Variants in USP13 observed in about 807,000 individuals in gnomAD.
USP13 encodes ubiquitin specific peptidase 13.
USP13 carries 68 observed loss-of-function variants against 107.8 expected under a neutral mutation model. The observed-to-expected ratio is 0.63, with a 90% confidence interval of 0.52 to 0.77. The LOEUF is 0.77. Among genes scored for constraint, USP13 ranks in the 30% least tolerant of loss-of-function variants. USP13 has a pLI of 0.00. For synonymous variants in USP13, 377 were observed against 389.5 expected (o/e 0.97, Z 0.38); for missense variants, 945 against 1,093.3 (o/e 0.86, Z 1.91).
chr3:179,776,430 T>G (rs1715541842), intron 19 of USP13, among the ~76,000 whole-genome samples: 1 of 152,174 alleles, frequency 6.6e-6, no homozygotes, highest in South Asian at 2.1e-4. Context: ...AACAGTCCTT[T>G]CTCAAATAAC....
At chr3:179,766,625 T>A (rs532541503) in intron 19 of USP13, among the ~76,000 whole-genome samples, 1 of 152,302 alleles carries the variant, frequency 6.6e-6, no homozygotes, top group East Asian at 1.9e-4. Flanking sequence ...TAGCAAACAC[T>A]TATGTATGTC....
At chr3:179,728,723 CA>C (rs1415708690) in intron 8 of USP13, among the ~76,000 whole-genome samples, 1 of 152,218 alleles carries the variant, frequency 6.6e-6, no homozygotes, top group Non-Finnish European at 1.5e-5. Flanking sequence ...ACTCCGTCTG[CA>C]ATCCCGGCAC....
At chr3:179,684,601 C>A (rs1313080491) in intron 2 of USP13, among the ~76,000 whole-genome samples, 1 of 152,140 alleles carries the variant, frequency 6.6e-6, no homozygotes, top group African/African-American at 2.4e-5. Context: ...GGGATTACAG[C>A]TGAGAGCCAC....
At chr3:179,781,929 A>G in intron 20 of USP13, 106 bp downstream of exon 20, 1 of 1,036,586 alleles carries the variant, frequency 9.6e-7, no homozygotes. Context: ...TGGTTCTCAC[A>G]TTGGTCTTGT....
chr3:179,720,443 C>A (rs1335146310), intron 7 of USP13, among the ~76,000 whole-genome samples: 1 of 152,182 alleles, frequency 6.6e-6, no homozygotes, highest in Non-Finnish European at 1.5e-5. Context: ...GGGGATAGAA[C>A]GAATAAACCA....
intron 6 of USP13, among the ~76,000 whole-genome samples, chr3:179,717,484 C>T (rs1378556630): frequency 2.6e-5 from 4 of 152,304 alleles, no homozygotes; most frequent in East Asian, 1.9e-4. Context: ...TAATGGGTTA[C>T]GAACTGTGGA....
intron 2 of USP13, among the ~76,000 whole-genome samples, chr3:179,685,227 C>T (rs1261033597): frequency 1.3e-5 from 2 of 150,888 alleles, no homozygotes; most frequent in Non-Finnish European, 2.9e-5. Flanking sequence ...TTATTTTTTA[C>T]ACATTAACTG....
chr3:179,761,179 C>G lies in USP13; in HGVS notation c.2016C>G (p.Arg672=). Residue 672 remains arginine, a synonymous_variant, in exon 17 of 21, where the codon CGC becomes CGG. Transcript: ENST00000263966. Reference sequence around the variant, plus strand: ...TGGGTTTCCCGCTGGAAGCATGTCGCAAGGCTGTGTACTTCACTGGAAATA... The same window carrying G: ...TGGGTTTCCCGCTGGAAGCATGTCGGAAGGCTGTGTACTTCACTGGAAATA... ...AEMGFPLEAC[R]KAVYFTGNMG... is the part of the protein sequence containing the mutation. The G allele has an allele frequency of 6.2e-7, 1 of 1,614,184 alleles. No homozygotes were observed. Among genetic ancestry groups the G allele is most frequent in the Non-Finnish European group, 8.5e-7 (1 of 1,180,042 alleles).
In USP13 at chr3:179,653,575, C is replaced by A; in HGVS notation, c.168+182C>A. The stretch of plus-strand genomic sequence containing the variant: ...GCCCCAGGGCTGCTGCAGCCGAGGA[C>A]TGGCTCGTGCTGGTGGTTTTGCTCC... On this transcript the variant is annotated intron_variant, in intron 1 of 20. Transcript: ENST00000263966. The surrounding 1 kb of genome is among the most constrained non-coding windows in gnomAD (Gnocchi z 4.0). 1.2e-6 allele frequency: 1 copy of A among 829,498 alleles called. No homozygotes were observed. Among genetic ancestry groups the A allele is most frequent in the South Asian group, 1.9e-5 (1 of 52,536 alleles). The allele number at this position is 829,498 out of a possible 1,614,324, so 51.4% of individuals were successfully genotyped here.
At chr3:179,692,818 A>G (rs1712156442) in intron 3 of USP13, among the ~76,000 whole-genome samples, 1 of 152,130 alleles carries the variant, frequency 6.6e-6, no homozygotes, top group African/African-American at 2.4e-5. Context: ...TGTAGAGGAT[A>G]TTGTCAGGAA....
Position 179,681,982 on chromosome 3 carries a change from C to G in USP13, c.273C>G (p.His91Gln). The G allele has an allele frequency of 1.2e-6, 2 of 1,613,236 alleles. No individual in the cohort carries two copies. The highest frequency in any genetic ancestry group is 2.2e-5 in the South Asian group (2 of 90,902). The change falls in exon 2 of 21, where the codon CAC becomes CAG. Residue 91 changes from histidine (H) to glutamine (Q), a missense_variant. Coordinates refer to ENST00000263966, the MANE Select transcript of USP13 (RefSeq NM_003940.3). Reference protein sequence around the residue: ...FRKTGQSVYMHLKRHVREKVR... With the variant: ...FRKTGQSVYMQLKRHVREKVR... ...AAACTGGACAGAGTGTATACATGCA[C>G]CTGAAAAGACATGTGCGAGAGGTGA...
chr3:179,694,934 C>T (rs1712241105), intron 3 of USP13, among the ~76,000 whole-genome samples: 1 of 152,170 alleles, frequency 6.6e-6, no homozygotes, highest in Non-Finnish European at 1.5e-5. Flanking sequence ...TTACGCCTCT[C>T]TGGCAGAACT....
At chr3:179,665,729 G>A (rs1720567569) in intron 1 of USP13, among the ~76,000 whole-genome samples, 1 of 152,072 alleles carries the variant, frequency 6.6e-6, no homozygotes, top group Non-Finnish European at 1.5e-5. Flanking sequence ...GGGACCACAG[G>A]CATGCACCAC....
intron 6 of USP13, among the ~76,000 whole-genome samples, chr3:179,718,820 G>A (rs150754602): frequency 1.1e-4 from 16 of 151,854 alleles, no homozygotes; most frequent in Admixed American, 2.6e-4. Flanking sequence ...CCAGTGGCAC[G>A]ATCTTGGGTC....
chr3:179,665,407 G>A (rs911626333), intron 1 of USP13, among the ~76,000 whole-genome samples: 13 of 152,174 alleles, frequency 8.5e-5, no homozygotes, highest in Non-Finnish European at 1.3e-4. Context: ...AATTATGATA[G>A]TAATTGGCTT....
intron 2 of USP13, among the ~76,000 whole-genome samples, chr3:179,685,380 C>G (rs567752241): frequency 6.6e-6 from 1 of 152,038 alleles, no homozygotes; most frequent in Non-Finnish European, 1.5e-5. Context: ...TGAAGTTTCT[C>G]TAATTTCTCA....
intron 19 of USP13, among the ~76,000 whole-genome samples, chr3:179,774,151 C>T (rs973758897): frequency 1.3e-5 from 2 of 152,094 alleles, no homozygotes; most frequent in South Asian, 2.1e-4. Context: ...AGAGAACAAG[C>T]GAGAGAGAAG....
intron 2 of USP13, among the ~76,000 whole-genome samples, chr3:179,683,184 A>G (rs1711729632): frequency 1.3e-5 from 2 of 151,222 alleles, no homozygotes; most frequent in South Asian, 4.2e-4. Flanking sequence ...TGTTTGTTAC[A>G]TACTAGATTT....
chr3:179,729,628 C>T (rs951509273), intron 8 of USP13, among the ~76,000 whole-genome samples: 4 of 152,136 alleles, frequency 2.6e-5, no homozygotes, highest in African/African-American at 9.7e-5. Flanking sequence ...CGTGCCACTG[C>T]ACCTGGCTAT....
Sources: allele counts gnomAD v4.1 joint callset (sites outside exome capture counted in the v4.1 genomes callset), GRCh38; gene constraint gnomAD v4.1.1; non-coding constraint Gnocchi (gnomAD v3.1); transcripts MANE v1.5; gene names NCBI Gene and HGNC (gene_info 2026-07-23, HGNC 2026-07-21).